GPHN: variants seen among roughly 807,000 people sequenced by gnomAD.
The protein encoded by GPHN is gephyrin.
GPHN carries 17 observed loss-of-function variants against 95.5 expected under a neutral mutation model. That is an observed-to-expected ratio of 0.18 (90% CI 0.12 to 0.27). The LOEUF is 0.27. Among genes scored for constraint, GPHN ranks in the 10% least tolerant of loss-of-function variants. The probability of loss-of-function intolerance (pLI) is 1.00; values close to 1 mark genes in which losing one functional copy is unlikely to be tolerated. For missense variants in GPHN, 660 were observed against 978.1 expected (o/e 0.67, Z 4.34); for synonymous variants, 320 against 322.5 (o/e 0.99, Z 0.08).
chr14:67,694,469 T>C, the GPHN span, among the ~76,000 whole-genome samples: 1 of 130,396 alleles, frequency 7.7e-6, no homozygotes, highest in African/African-American at 2.7e-5. Context: ...CACACACATA[T>C]ATATATATAC....
intron 5 of GPHN, among the ~76,000 whole-genome samples, chr14:66,913,901 T>G (rs1409080042): frequency 2.0e-5 from 3 of 152,162 alleles, no homozygotes; most frequent in Admixed American, 2.0e-4. Flanking sequence ...CCTAAAGCAT[T>G]ATATAGAGGA....
At chr14:67,252,329 A>T in the GPHN span, among the ~76,000 whole-genome samples, 1 of 151,870 alleles carries the variant, frequency 6.6e-6, no homozygotes, top group East Asian at 1.9e-4. Flanking sequence ...TTTTATTTTT[A>T]TTTTTTGTAG....
rs112751789 is a variant in GPHN at position 66,952,843 on chromosome 14, C to T, written c.829-12348C>T. Reference sequence around the variant, plus strand: ...TCAAGTAGCTAGGATTACAGGTGCCCGGCACCACGCCTGACTAATTTTTTG... The same window carrying T: ...TCAAGTAGCTAGGATTACAGGTGCCTGGCACCACGCCTGACTAATTTTTTG... On this transcript the variant is annotated intron_variant, in intron 8 of 22. Coordinates refer to ENST00000478722, the MANE Select transcript of GPHN (RefSeq NM_020806.5). 3.2e-3 allele frequency among the ~76,000 whole-genome samples: 482 copies of T among 152,042 alleles called. 11 individuals are homozygous for T. Among genetic ancestry groups the T allele is most frequent in the African/African-American group, 0.011 (447 of 41,440 alleles).
intron 3 of GPHN, among the ~76,000 whole-genome samples, chr14:66,804,775 A>G (rs922658203): frequency 1.3e-5 from 2 of 152,186 alleles, no homozygotes; most frequent in African/African-American, 4.8e-5. Flanking sequence ...GATATCTTTA[A>G]AAGCAGCATT....
chr14:67,243,172 T>C, the GPHN span, among the ~76,000 whole-genome samples: 54 of 152,256 alleles, frequency 3.5e-4, no homozygotes, highest in African/African-American at 1.3e-3. Context: ...TATGTGCTTA[T>C]ATAGAATATA....
At chr14:67,437,021 A>G in the GPHN span, among the ~76,000 whole-genome samples, 4 of 152,182 alleles carry the variant, frequency 2.6e-5, no homozygotes, top group Non-Finnish European at 4.4e-5. Flanking sequence ...GCACCACTGC[A>G]CTCCAGCCTA....
chr14:67,123,186 A>T (rs939975689), intron 17 of GPHN, among the ~76,000 whole-genome samples: 1 of 152,186 alleles, frequency 6.6e-6, no homozygotes, highest in African/African-American at 2.4e-5. Context: ...ATCACCCATA[A>T]TCCCCTTTCT....
intron 1 of GPHN, among the ~76,000 whole-genome samples, chr14:66,659,548 T>C (rs1199823048): frequency 6.6e-6 from 1 of 152,134 alleles, no homozygotes; most frequent in Admixed American, 6.6e-5. Flanking sequence ...TTTATGTCTT[T>C]TCTTTCATTT....
the GPHN span, chr14:67,562,812 C>T: frequency 6.2e-7 from 1 of 1,613,790 alleles, no homozygotes; most frequent in Non-Finnish European, 8.5e-7. Flanking sequence ...AGAGAGAGCC[C>T]AAAGGCCCTT....
At chr14:67,414,732 A>AGAT in the GPHN span, among the ~76,000 whole-genome samples, 1 of 152,244 alleles carries the variant, frequency 6.6e-6, no homozygotes. Flanking sequence ...CCCCTGTTTA[A>AGAT]GATACATAGA....
At chr14:67,179,802 G>A (rs2083227301) in intron 22 of GPHN, 128 bp downstream of exon 22, 5 of 672,156 alleles carry the variant, frequency 7.4e-6, no homozygotes, top group Non-Finnish European at 1.3e-5. Context: ...AAAGTTAGAT[G>A]AGTTAAGTTA....
intron 9 of GPHN, among the ~76,000 whole-genome samples, chr14:67,015,652 A>C (rs2073264940): frequency 6.6e-6 from 1 of 152,106 alleles, no homozygotes; most frequent in Non-Finnish European, 1.5e-5. Context: ...AGCCAAGATC[A>C]TGCCACTCCA....
chr14:67,025,203 G>A (rs1325993292), intron 10 of GPHN, among the ~76,000 whole-genome samples: 1 of 152,068 alleles, frequency 6.6e-6, no homozygotes, highest in Non-Finnish European at 1.5e-5. Flanking sequence ...ATTTGAAAAT[G>A]CATTTATCCT....
chr14:67,724,690 G>A, the GPHN span: 2 of 948,838 alleles, frequency 2.1e-6, no homozygotes, highest in Non-Finnish European at 3.4e-6. Flanking sequence ...CCTAGGCTTG[G>A]GGGCTCTGAC....
chr14:66,681,315 C>T (rs898738027), intron 2 of GPHN, 130 bp downstream of exon 2: 1 of 661,380 alleles, frequency 1.5e-6, no homozygotes. Flanking sequence ...ATGCGTTTTA[C>T]ACATATTGAA....
At chr14:66,704,829 G>C (rs111853990) in intron 2 of GPHN, among the ~76,000 whole-genome samples, 77 of 152,180 alleles carry the variant, frequency 5.1e-4, no homozygotes, top group African/African-American at 1.6e-3. Context: ...AGAATTGAAG[G>C]AGATAGAGAC....
intron 9 of GPHN, among the ~76,000 whole-genome samples, chr14:66,981,843 C>T (rs913670442): frequency 6.6e-6 from 1 of 152,080 alleles, no homozygotes; most frequent in African/African-American, 2.4e-5. Context: ...ATTAAACAAC[C>T]TGAGAGTCAG....
intron 8 of GPHN, among the ~76,000 whole-genome samples, chr14:66,958,299 C>G (rs2068670133): frequency 6.6e-6 from 1 of 152,110 alleles, no homozygotes; most frequent in Non-Finnish European, 1.5e-5. Context: ...TGTAGCTTCT[C>G]TAGCTGTCTT....
chr14:67,256,857 G>A, the GPHN span, among the ~76,000 whole-genome samples: 1 of 151,020 alleles, frequency 6.6e-6, no homozygotes, highest in Non-Finnish European at 1.5e-5. Flanking sequence ...TTGTTTGAAT[G>A]TATACATTAA....
Sources: gnomAD v4.1 joint callset for allele counts (sites outside exome capture counted in the v4.1 genomes callset) on GRCh38, gnomAD v4.1.1 for gene constraint, MANE v1.5 for transcripts, NCBI Gene and HGNC (gene_info 2026-07-23, HGNC 2026-07-21) for gene names.